Variants in ARHGAP15 observed in about 807,000 individuals in gnomAD.
The protein encoded by ARHGAP15 is rho GTPase-activating protein 15.
Under a neutral mutation model 63.7 loss-of-function variants are expected in ARHGAP15, and 51 were observed. The ratio of observed to expected loss-of-function variants is 0.80; its 90% confidence interval spans 0.64 to 1.01. ARHGAP15 has a LOEUF of 1.01. Ranked by LOEUF, ARHGAP15 falls within the 50% of genes least tolerant of loss-of-function variation. The pLI is 0.00. For missense variants in ARHGAP15, 560 were observed against 564.6 expected, an observed-to-expected ratio of 0.99 and a Z score of 0.08; for synonymous variants, 191 against 193.8, an observed-to-expected ratio of 0.99 and a Z score of 0.12.
chr2:143,499,671 A>G (rs1439889539), intron 9 of ARHGAP15, among the ~76,000 whole-genome samples: 1 of 152,086 alleles, frequency 6.6e-6, no homozygotes, highest in Non-Finnish European at 1.5e-5. Context: ...AATTGTGTCT[A>G]TTTCCCAGGC....
chr2:143,755,835 G>A (rs985376850), intron 13 of ARHGAP15, among the ~76,000 whole-genome samples: 10 of 151,988 alleles, frequency 6.6e-5, no homozygotes, highest in Non-Finnish European at 1.0e-4. Flanking sequence ...GTGTGGTAGC[G>A]GGTGCCTGTA....
chr2:143,515,889 C>T (rs1251229428), intron 9 of ARHGAP15, among the ~76,000 whole-genome samples: 2 of 152,336 alleles, frequency 1.3e-5, no homozygotes, highest in East Asian at 1.9e-4. Context: ...CAAGATTTCT[C>T]TAAGAGTGAA....
intron 8 of ARHGAP15, among the ~76,000 whole-genome samples, chr2:143,475,590 T>C (rs1287891369): frequency 6.6e-6 from 1 of 152,184 alleles, no homozygotes; most frequent in Non-Finnish European, 1.5e-5. Flanking sequence ...CAAGACACAG[T>C]GGGCCCTACA....
intron 1 of ARHGAP15, among the ~76,000 whole-genome samples, chr2:143,134,584 G>A (rs948521405): frequency 5.9e-5 from 9 of 151,848 alleles, no homozygotes; most frequent in African/African-American, 1.2e-4. Context: ...AGATGTCAAA[G>A]GAAGCAAAGA....
At chr2:143,465,666 G>T (rs901355130) in intron 8 of ARHGAP15, among the ~76,000 whole-genome samples, 2 of 151,156 alleles carry the variant, frequency 1.3e-5, no homozygotes, top group Non-Finnish European at 2.9e-5. Context: ...TAAAATACTT[G>T]AAAACATAAT....
intron 2 of ARHGAP15, among the ~76,000 whole-genome samples, chr2:143,160,682 A>C (rs1347516619): frequency 6.6e-6 from 1 of 151,974 alleles, no homozygotes; most frequent in Non-Finnish European, 1.5e-5. Context: ...CAGATGAAAA[A>C]GTTTGTTAGC....
chr2:143,485,052 T>C (rs1189432006), intron 8 of ARHGAP15, among the ~76,000 whole-genome samples: 1 of 152,152 alleles, frequency 6.6e-6, no homozygotes, highest in Non-Finnish European at 1.5e-5. Flanking sequence ...CTCAGACCTA[T>C]AGTACCCATT....
chr2:143,146,479 G>T (rs1689595306), intron 1 of ARHGAP15, among the ~76,000 whole-genome samples: 1 of 151,980 alleles, frequency 6.6e-6, no homozygotes, highest in Non-Finnish European at 1.5e-5. Context: ...GGGTGAGGTG[G>T]GTAGTGAGTG....
chr2:143,283,719 A>G (rs1031856784), intron 6 of ARHGAP15, among the ~76,000 whole-genome samples: 1 of 152,148 alleles, frequency 6.6e-6, no homozygotes, highest in African/African-American at 2.4e-5. Flanking sequence ...AAAAACGTCA[A>G]TAAGTGTGAG....
chr2:143,475,747 T>G (rs1427863304), intron 8 of ARHGAP15, among the ~76,000 whole-genome samples: 1 of 152,200 alleles, frequency 6.6e-6, no homozygotes, highest in Non-Finnish European at 1.5e-5. Flanking sequence ...GGCCATAGCT[T>G]ACAGCCAGAG....
chr2:143,284,353 C>T (rs1264497034), intron 6 of ARHGAP15, among the ~76,000 whole-genome samples: 1 of 152,112 alleles, frequency 6.6e-6, no homozygotes, highest in Non-Finnish European at 1.5e-5. Context: ...ATGTAAATGT[C>T]AATTTTATAG....
At chr2:143,146,576 A>G (rs1268037129) in intron 1 of ARHGAP15, among the ~76,000 whole-genome samples, 3 of 152,000 alleles carry the variant, frequency 2.0e-5, no homozygotes. Context: ...TCAGTTTGTG[A>G]CAGTTCATTG....
intron 6 of ARHGAP15, among the ~76,000 whole-genome samples, chr2:143,348,499 A>G (rs1246496055): frequency 6.6e-6 from 1 of 152,196 alleles, no homozygotes; most frequent in Admixed American, 6.5e-5. Context: ...TTAATGAAGA[A>G]TAAAACCAAA....
rs754076422 is a variant in ARHGAP15, at chr2:143,333,029, G to A, written c.474+82429G>A. 2.3e-4 allele frequency among the ~76,000 whole-genome samples: 34 copies of A among 149,356 alleles called. 1 individual carries two copies. Among genetic ancestry groups the A allele is most frequent in the East Asian group, 3.9e-4 (2 of 5,120 alleles). ...GAGGCTGCAGATGCAAGTTGGCATC[G>A]TCAGAAGATGAATGCTTGTAGCCTT... On this transcript the variant is annotated intron_variant, in intron 6 of 13. Transcript: ENST00000295095.
At chr2:143,463,576 G>A (rs1691062717) in intron 8 of ARHGAP15, among the ~76,000 whole-genome samples, 1 of 151,844 alleles carries the variant, frequency 6.6e-6, no homozygotes, top group African/African-American at 2.4e-5. Flanking sequence ...ATAGATAGGG[G>A]TGTCTATAAT....
At chr2:143,134,914 G>T (rs1689077475) in intron 1 of ARHGAP15, among the ~76,000 whole-genome samples, 1 of 152,118 alleles carries the variant, frequency 6.6e-6, no homozygotes, top group African/African-American at 2.4e-5. Context: ...TGGGATTACA[G>T]GCGTGAGAGC....
chr2:143,406,047 A>T (rs1302900261), intron 6 of ARHGAP15, among the ~76,000 whole-genome samples: 2 of 151,698 alleles, frequency 1.3e-5, no homozygotes, highest in African/African-American at 4.8e-5. Flanking sequence ...CAGATCTTTG[A>T]ATATTTTTCT....
intron 6 of ARHGAP15, among the ~76,000 whole-genome samples, chr2:143,251,817 A>C (rs1334468216): frequency 6.6e-6 from 1 of 152,074 alleles, no homozygotes; most frequent in Non-Finnish European, 1.5e-5. Flanking sequence ...GAAAGTGACT[A>C]AAATGTGGCT....
intron 2 of ARHGAP15, among the ~76,000 whole-genome samples, chr2:143,174,325 C>T (rs1690922416): frequency 6.6e-6 from 1 of 152,096 alleles, no homozygotes; most frequent in Non-Finnish European, 1.5e-5. Context: ...AAATGAGCAG[C>T]TTAATAGTCA....
Sources: allele counts gnomAD v4.1 joint callset (sites outside exome capture counted in the v4.1 genomes callset), GRCh38; gene constraint gnomAD v4.1.1; transcripts MANE v1.5; gene names NCBI Gene and HGNC (gene_info 2026-07-23, HGNC 2026-07-21).